Variants in FAM177A1 observed in about 807,000 individuals in gnomAD.
FAM177A1 encodes protein FAM177A1.
In FAM177A1, 22 loss-of-function variants were observed where a neutral mutation model predicts 26.1. The ratio of observed to expected loss-of-function variants is 0.84; its 90% CI spans 0.60 to 1.20. The LOEUF is 1.20. Ranked by LOEUF, FAM177A1 falls within the 50% of genes most tolerant of loss-of-function variation. The pLI is 0.00. For missense variants in FAM177A1, 296 were observed against 291.1 expected (o/e 1.02, Z -0.12); for synonymous variants, 95 against 99.3 (o/e 0.96, Z 0.26).
At chr14:35,077,640 G>A (rs187787690) in intron 3 of FAM177A1, among the ~76,000 whole-genome samples, 211 of 151,692 alleles carry the variant, frequency 1.4e-3, no homozygotes, top group African/African-American at 4.9e-3. Flanking sequence ...CCGCCACCGC[G>A]CCCGGCTAAT....
intron 2 of FAM177A1, among the ~76,000 whole-genome samples, chr14:35,073,483 G>A (rs1566674517): frequency 6.6e-6 from 1 of 152,148 alleles, no homozygotes; most frequent in Non-Finnish European, 1.5e-5. Context: ...TGTGTTTGGG[G>A]GCAAGTACAA....
In FAM177A1 at chr14:35,046,393, C is replaced by T. The variant is rs2044862189; in HGVS notation, c.-71C>T. ...AGACTTGGCTAGGCGCGGCGCGAGG[C>T]GGGCGCTGGGCGGGTGAGTCCCACT... On this transcript the variant is annotated 5_prime_UTR_variant, in exon 1 of 5. Coordinates refer to ENST00000280987, the MANE Select transcript of FAM177A1 (RefSeq NM_173607.5). The T allele has an allele frequency of 1.5e-6, 2 of 1,302,474 alleles. No individual in the cohort carries two copies. 80.7% of individuals were successfully genotyped at this position (1,302,474 alleles called of 1,614,324 possible). A position where few individuals can be genotyped will look rare whatever the true frequency, so the allele number is the denominator to read the frequency against.
rs2044860686 is a variant in FAM177A1 at position 35,046,330 on chromosome 14, C to G, written c.-134C>G. ...CCCGGCGGGCTAGGCGAGGCGCGGGCTGGCCCCGCCCCTCAGGCCGGCGAG... is the reference window on the plus strand; with the variant it reads ...CCCGGCGGGCTAGGCGAGGCGCGGGGTGGCCCCGCCCCTCAGGCCGGCGAG... On this transcript the variant is annotated 5_prime_UTR_variant, in exon 1 of 5. Transcript: ENST00000280987. 1 of 1,104,648 alleles carries G rather than the reference C, an allele frequency of 9.1e-7. No individual in the cohort carries two copies. The highest frequency in any genetic ancestry group is 1.2e-6 in the Non-Finnish European group (1 of 825,492). 68.4% of individuals were successfully genotyped at this position (1,104,648 alleles called of 1,614,324 possible). A position where few individuals can be genotyped will look rare whatever the true frequency, so the allele number is the denominator to read the frequency against.
intron 1 of FAM177A1, 192 bp downstream of exon 1, chr14:35,046,820 C>T (rs1259556289): frequency 7.3e-7 from 1 of 1,372,124 alleles, no homozygotes. Context: ...CCTCACTCAC[C>T]AACCCCTTGG....
chr14:35,070,114 C>CAAAAAAAAAAAAAAAAA (rs746133319), intron 2 of FAM177A1, among the ~76,000 whole-genome samples: 2 of 53,826 alleles, frequency 3.7e-5, no homozygotes, highest in Non-Finnish European at 6.4e-5. Flanking sequence ...GACTCTGTCT[C>CAAAAAAAAAAAAAAAAA]AAAAAAAAAA....
Position 35,046,358 on chromosome 14 carries a change from C to G in FAM177A1, c.-106C>G. 1 of 1,303,412 alleles carries G rather than the reference C, an allele frequency of 7.7e-7. No homozygotes were observed. Among genetic ancestry groups the G allele is most frequent in the South Asian group, 1.7e-5 (1 of 58,636 alleles). The allele number at this position is 1,303,412 out of a possible 1,614,324, so 80.7% of individuals were successfully genotyped here. ...GCCCCGCCCCTCAGGCCGGCGAGTC[C>G]CCTTCTCAGAGACTTGGCTAGGCGC... On this transcript the variant is annotated 5_prime_UTR_variant, in exon 1 of 5. Transcript: ENST00000280987.
intron 3 of FAM177A1, among the ~76,000 whole-genome samples, chr14:35,077,531 G>A (rs1029921773): frequency 7.3e-6 from 1 of 137,432 alleles, no homozygotes; most frequent in East Asian, 2.2e-4. Context: ...GCCGGACTGC[G>A]GACTGCAGTG....
In FAM177A1 at chr14:35,077,597, C is replaced by T. The variant is rs1218643396; in HGVS notation, c.406+381C>T. ...TCCCGGGTTCACGCCATTCGCCTGC[C>T]TCAGCCTCCCGAGCAGCTGGGACCA... On this transcript the variant is annotated intron_variant, in intron 3 of 4. Transcript: ENST00000280987. Among the ~76,000 whole-genome samples the T allele has an allele frequency of 2.0e-5, 3 of 151,406 alleles. No individual in the cohort carries two copies. In the East Asian group the frequency reaches 5.9e-4, roughly 30 times the overall value.
chr14:35,071,292 C>T (rs977866475), intron 2 of FAM177A1, among the ~76,000 whole-genome samples: 12 of 151,780 alleles, frequency 7.9e-5, no homozygotes, highest in African/African-American at 2.2e-4. Context: ...CCACTGCACC[C>T]GGCCGACCTC....
At chr14:35,048,466 C>T (rs2044910574) in intron 1 of FAM177A1, among the ~76,000 whole-genome samples, 2 of 151,892 alleles carry the variant, frequency 1.3e-5, no homozygotes, top group South Asian at 4.2e-4. Flanking sequence ...TACCCCACCA[C>T]CACCCTTTCT....
chr14:35,049,013 C>T (rs555337379), intron 1 of FAM177A1, among the ~76,000 whole-genome samples: 56 of 152,026 alleles, frequency 3.7e-4, no homozygotes, highest in Non-Finnish European at 7.6e-4. Flanking sequence ...GCCTCAGCCT[C>T]CTGAGTAGCT....
intron 2 of FAM177A1, among the ~76,000 whole-genome samples, chr14:35,063,438 C>T (rs1365269689): frequency 6.6e-6 from 1 of 151,250 alleles, no homozygotes; most frequent in African/African-American, 2.4e-5. Flanking sequence ...ATTAGCCAGG[C>T]ATGGGGGCGG....
At chr14:35,063,654 C>T (rs1005300146) in intron 2 of FAM177A1, among the ~76,000 whole-genome samples, 4 of 152,184 alleles carry the variant, frequency 2.6e-5, no homozygotes, top group African/African-American at 9.7e-5. Context: ...TCTAGTCCTG[C>T]ACCCAGATTT....
At position 35,055,952 on chromosome 14, in the gene FAM177A1, T is replaced by G. The variant is rs77682008; in HGVS notation, c.339+2501T>G. On this transcript the variant is annotated intron_variant, in intron 2 of 4. Coordinates refer to ENST00000280987, the MANE Select transcript of FAM177A1 (RefSeq NM_173607.5). ...CATTGTCGTTTTGATTTACATTCCC[T>G]TGATGGTCAGTGATGTTGAGCATCC... is the stretch of plus-strand genomic sequence containing the variant. 2.9e-3 allele frequency among the ~76,000 whole-genome samples: 435 copies of G among 152,218 alleles called. 10 individuals are homozygous for G. In the East Asian group the frequency reaches 0.074, roughly 26 times the overall value.
chr14:35,062,793 CAAAA>C (rs11285301), intron 2 of FAM177A1, among the ~76,000 whole-genome samples: 2 of 64,672 alleles, frequency 3.1e-5, no homozygotes, highest in African/African-American at 5.1e-5. Flanking sequence ...GACCCTGTCT[CAAAA>C]AAAAAAAAAA....
At chr14:35,061,754 A>T (rs1169569953) in intron 2 of FAM177A1, among the ~76,000 whole-genome samples, 1 of 148,726 alleles carries the variant, frequency 6.7e-6, no homozygotes, top group African/African-American at 2.5e-5. Context: ...CCTAAAACTT[A>T]AAGTATAATA....
At chr14:35,060,826 C>G (rs1429899621) in intron 2 of FAM177A1, among the ~76,000 whole-genome samples, 1 of 152,060 alleles carries the variant, frequency 6.6e-6, no homozygotes, top group African/African-American at 2.4e-5. Flanking sequence ...ATGGAAAATT[C>G]CAGAAATAAA....
intron 2 of FAM177A1, among the ~76,000 whole-genome samples, chr14:35,066,684 C>G (rs187199708): frequency 6.6e-6 from 1 of 152,092 alleles, no homozygotes; most frequent in South Asian, 2.1e-4. Context: ...GGATTACAGG[C>G]GTGAGCCACC....
intron 2 of FAM177A1, among the ~76,000 whole-genome samples, chr14:35,056,765 T>C (rs1016004436): frequency 6.6e-6 from 1 of 152,336 alleles, no homozygotes; most frequent in Admixed American, 6.5e-5. Context: ...GCTATAGGTC[T>C]ATTAAGATTG....
Sources: gnomAD v4.1 joint callset for allele counts (sites outside exome capture counted in the v4.1 genomes callset) on GRCh38, gnomAD v4.1.1 for gene constraint, MANE v1.5 for transcripts, NCBI Gene and HGNC (gene_info 2026-07-23, HGNC 2026-07-21) for gene names.